The following EDF1 variants were observed in gnomAD, a reference collection of about 807,000 sequenced individuals.
EDF1 encodes endothelial differentiation related factor 1, also known as endothelial differentiation-related factor 1.
A neutral mutation model predicts 20.8 loss-of-function variants in EDF1; 5 were observed. The observed-to-expected ratio is 0.24, with a 90% CI of 0.13 to 0.51. The LOEUF (loss-of-function observed/expected upper bound fraction) is 0.51, where lower values mean the gene tolerates loss of function less well. Among genes scored for constraint, EDF1 ranks in the 20% least tolerant of loss-of-function variants. The pLI, the probability that EDF1 is intolerant of heterozygous loss-of-function variation, is 0.97. For missense variants in EDF1, 137 were observed against 197.8 expected, an observed-to-expected ratio of 0.69 and a Z score of 1.84; for synonymous variants, 96 against 78.5, an observed-to-expected ratio of 1.22 and a Z score of -1.18.
chr9:136,862,359 CAGCCACT>C lies in EDF1; in HGVS notation c.386-21_386-15del. The C allele has an allele frequency of 6.2e-7, 1 of 1,614,042 alleles. No individual in the cohort carries two copies. The highest frequency in any genetic ancestry group is 8.5e-7 in the Non-Finnish European group (1 of 1,180,000). Reference sequence around the variant, plus strand: ...GGAGCTTGAGGCCTGAAATGAGCCACAGCCACTGGCCACTGCAGCACCAGCTCCCTCC... The same window carrying C: ...GGAGCTTGAGGCCTGAAATGAGCCACGGCCACTGCAGCACCAGCTCCCTCC... On this transcript the variant is annotated splice_polypyrimidine_tract_variant and intron_variant, in intron 4 of 4. Coordinates refer to ENST00000224073, the MANE Select transcript of EDF1 (RefSeq NM_003792.4). The surrounding 1 kb of genome is among the most constrained non-coding windows in gnomAD (Gnocchi z 4.1).
chr9:136,863,844 C>T lies in EDF1; in HGVS notation c.106G>A (p.Glu36Lys). Residue 36 changes from glutamate (E) to lysine (K), a missense_variant, in exon 2 of 5, where the codon GAA becomes AAA. Transcript: ENST00000224073. This position sits in a 1 kb window ranked among gnomAD's most constrained non-coding sequence, Gnocchi z 4.5. ...CATTTCTTGGAAGTCTCCACATCTT[C>T]TCCTCGTCTCTGTGCCGCTAAGATA... ...QAILAAQRRG[E>K]DVETSKKWAA... 6.2e-7 allele frequency: 1 copy of T among 1,613,968 alleles called. No homozygotes were observed.
Position 136,862,826 on chromosome 9 carries a change from G to A in EDF1, c.385+80C>T. 6.2e-7 allele frequency: 1 copy of A among 1,611,284 alleles called. No individual in the cohort carries two copies. Among genetic ancestry groups the A allele is most frequent in the Non-Finnish European group, 8.5e-7 (1 of 1,179,820 alleles). On this transcript the variant is annotated intron_variant, in intron 4 of 4. Coordinates refer to ENST00000224073, the MANE Select transcript of EDF1 (RefSeq NM_003792.4). This position sits in a 1 kb window ranked among gnomAD's most constrained non-coding sequence, Gnocchi z 4.1. ...CCCCAGGGCCATCTTCTTCCCCCGA[G>A]TCCCACTCTCACCAACCCCAGCTGG...
chr9:136,862,701 A>G lies in EDF1; in HGVS notation c.385+205T>C, dbSNP rs1849128295. The G allele has an allele frequency of 1.3e-6, 2 of 1,508,070 alleles. No homozygotes were observed. The highest frequency in any genetic ancestry group is 2.1e-5 in the Admixed American group (1 of 46,950). The allele number at this position is 1,508,070 out of a possible 1,614,324, so 93.4% of individuals were successfully genotyped here. ...GGCAAGGGGAAGGGACTCGGACTCC[A>G]CTTGCTCTTAGGGGTTTCCTGAGGC... On this transcript the variant is annotated intron_variant, in intron 4 of 4. Transcript: ENST00000224073. This position sits in a 1 kb window ranked among gnomAD's most constrained non-coding sequence, Gnocchi z 4.1.
chr9:136,863,013 G>A lies in EDF1; in HGVS notation c.292-14C>T. 6.2e-7 allele frequency: 1 copy of A among 1,613,600 alleles called. No individual in the cohort carries two copies. The highest frequency in any genetic ancestry group is 8.5e-7 in the Non-Finnish European group (1 of 1,179,966). ...CTCATTGATTTTCTAAAGAGAAGAT[G>A]TGCTTTATACACATCAGCTCCACTA... On this transcript the variant is annotated splice_polypyrimidine_tract_variant and intron_variant, in intron 3 of 4. Transcript: ENST00000224073. The surrounding 1 kb of genome is among the most constrained non-coding windows in gnomAD (Gnocchi z 4.5).
intron 1 of EDF1, among the ~76,000 whole-genome samples, chr9:136,864,454 A>C (rs1849175207): frequency 6.6e-6 from 1 of 151,920 alleles, no homozygotes; most frequent in South Asian, 2.1e-4. Context: ...TCTACTGCAA[A>C]AGTAGGAAGG....
At position 136,863,597 on chromosome 9, in the gene EDF1, C is replaced by G; in HGVS notation, c.131-149G>C. The G allele has an allele frequency of 8.8e-7, 1 of 1,137,192 alleles. No individual in the cohort carries two copies. Among genetic ancestry groups the G allele is most frequent in the Non-Finnish European group, 1.2e-6 (1 of 814,240 alleles). 70.4% of individuals were successfully genotyped at this position (1,137,192 alleles called of 1,614,324 possible). A position where few individuals can be genotyped will look rare whatever the true frequency, so the allele number is the denominator to read the frequency against. ...TGTCCCAAGTTCACACACCTCAGGT[C>G]GTGGACTTCCAGAGTTTTCTCTCAG... On this transcript the variant is annotated intron_variant, in intron 2 of 4. Coordinates refer to ENST00000224073, the MANE Select transcript of EDF1 (RefSeq NM_003792.4). This position sits in a 1 kb window ranked among gnomAD's most constrained non-coding sequence, Gnocchi z 4.5.
chr9:136,862,604 T>G lies in EDF1; in HGVS notation c.386-259A>C. On this transcript the variant is annotated intron_variant, in intron 4 of 4. Transcript: ENST00000224073. This position sits in a 1 kb window ranked among gnomAD's most constrained non-coding sequence, Gnocchi z 4.1. ...TCTGTGGAACTGGCTTCCGGCCCCA[T>G]GCTGACAGGGCCCGGACCCGCTGTG... The G allele has an allele frequency of 6.5e-7, 1 of 1,540,776 alleles. No homozygotes were observed. The highest frequency in any genetic ancestry group is 2.4e-5 in the East Asian group (1 of 41,786).
intron 1 of EDF1, among the ~76,000 whole-genome samples, chr9:136,864,680 G>A (rs2131249466): frequency 6.6e-6 from 1 of 152,092 alleles, no homozygotes; most frequent in South Asian, 2.1e-4. Flanking sequence ...CTGGAATGCA[G>A]TGACACGATC....
In EDF1 at chr9:136,863,100, G is replaced by T. The variant is rs1266396887; in HGVS notation, c.292-101C>A. ...GAACAGCAGCTTCTAGGGCCCCTGGGGTACGCACCCACACGCAGCTGGGTT... is the reference window on the plus strand; with the variant it reads ...GAACAGCAGCTTCTAGGGCCCCTGGTGTACGCACCCACACGCAGCTGGGTT... On this transcript the variant is annotated intron_variant, in intron 3 of 4. Transcript: ENST00000224073. This position sits in a 1 kb window ranked among gnomAD's most constrained non-coding sequence, Gnocchi z 4.5. The T allele has an allele frequency of 5.8e-6, 9 of 1,547,212 alleles. No homozygotes were observed. Among genetic ancestry groups the T allele is most frequent in the African/African-American group, 2.7e-5 (2 of 73,494 alleles).
In EDF1 at chr9:136,863,669, G is replaced by GA; in HGVS notation, c.130+150dup. The GA allele has an allele frequency of 9.0e-7, 1 of 1,114,018 alleles. No individual in the cohort carries two copies. The highest frequency in any genetic ancestry group is 2.1e-5 in the Admixed American group (1 of 47,044). 69.0% of individuals were successfully genotyped at this position (1,114,018 alleles called of 1,614,324 possible). On this transcript the variant is annotated intron_variant, in intron 2 of 4. Coordinates refer to ENST00000224073, the MANE Select transcript of EDF1 (RefSeq NM_003792.4). This position sits in a 1 kb window ranked among gnomAD's most constrained non-coding sequence, Gnocchi z 4.5. ...CTCATGCCAACCAGAGCTGCTCTGG[G>GA]AAGATGGCTGCCTCCCAGGGCTCCG...
Position 136,863,697 on chromosome 9 carries a change from C to G in EDF1, c.130+123G>C, listed in dbSNP as rs1188485212. On this transcript the variant is annotated intron_variant, in intron 2 of 4. Coordinates refer to ENST00000224073, the MANE Select transcript of EDF1 (RefSeq NM_003792.4). The surrounding 1 kb of genome is among the most constrained non-coding windows in gnomAD (Gnocchi z 4.5). ...GATGGCTGCCTCCCAGGGCTCCGGC[C>G]AGCACCGGTGCAGGCAGGCACTCAG... The G allele has an allele frequency of 3.1e-6, 4 of 1,304,150 alleles. No homozygotes were observed. The highest frequency in any genetic ancestry group is 1.5e-5 in the African/African-American group (1 of 68,214). 80.8% of individuals were successfully genotyped at this position (1,304,150 alleles called of 1,614,324 possible). A position where few individuals can be genotyped will look rare whatever the true frequency, so the allele number is the denominator to read the frequency against.
Position 136,866,252 on chromosome 9 carries a change from C to G in EDF1, c.7G>C (p.Glu3Gln). MA[E>Q]SDWDTVTVLR... ...ACCGTCACCGTGTCCCAGTCGCTCT[C>G]GGCCATGGCGGGCGAAGACGAGCGT... Residue 3 changes from glutamate to glutamine, a missense_variant, in exon 1 of 5, where the codon GAG becomes CAG. Transcript: ENST00000224073. 1 of 1,597,720 alleles carries G rather than the reference C, an allele frequency of 6.3e-7. No individual in the cohort carries two copies. Among genetic ancestry groups the G allele is most frequent in the Non-Finnish European group, 8.5e-7 (1 of 1,174,560 alleles).
chr9:136,864,061 C>A (rs1312719834), intron 1 of EDF1, among the ~76,000 whole-genome samples, 190 bp from the exon 2 acceptor site: 1 of 152,138 alleles, frequency 6.6e-6, no homozygotes, highest in Non-Finnish European at 1.5e-5. Flanking sequence ...AATCCCAGCA[C>A]TTTGGGAAAC....
Position 136,863,457 on chromosome 9 carries a change from G to A in EDF1, c.131-9C>T, listed in dbSNP as rs372504562. ...GTTCTGGCCAGCAGCCCCTGGAGTC[G>A]GTGTGAGGCAAAAGCAGAGGAGAGG... is the stretch of plus-strand genomic sequence containing the variant. On this transcript the variant is annotated splice_polypyrimidine_tract_variant and intron_variant, in intron 2 of 4. Coordinates refer to ENST00000224073, the MANE Select transcript of EDF1 (RefSeq NM_003792.4). The surrounding 1 kb of genome is among the most constrained non-coding windows in gnomAD (Gnocchi z 4.5). 3.4e-5 allele frequency: 54 copies of A among 1,609,118 alleles called. No individual in the cohort carries two copies. The highest frequency in any genetic ancestry group is 4.3e-5 in the Non-Finnish European group (51 of 1,176,454).
rs545894668 is a variant in EDF1 at position 136,862,431 on chromosome 9, A to AG, written c.386-87dup. The AG allele has an allele frequency of 5.7e-4, 912 of 1,613,628 alleles. 11 individuals are homozygous for AG. In the East Asian group the frequency reaches 0.017, roughly 29 times the overall value. ...CCCCTCTTCAACATCTTCCCAGGGA[A>AG]GGGGGGCCACGCCGCTCCCGTGCCT... is the stretch of plus-strand genomic sequence containing the variant. On this transcript the variant is annotated intron_variant, in intron 4 of 4. Coordinates refer to ENST00000224073, the MANE Select transcript of EDF1 (RefSeq NM_003792.4). This position sits in a 1 kb window ranked among gnomAD's most constrained non-coding sequence, Gnocchi z 4.1.
Position 136,863,788 on chromosome 9 carries a change from C to T in EDF1, c.130+32G>A, listed in dbSNP as rs775741396. The T allele has an allele frequency of 2.5e-6, 4 of 1,613,470 alleles. No individual in the cohort carries two copies. Among genetic ancestry groups the T allele is most frequent in the African/African-American group, 1.3e-5 (1 of 74,922 alleles). On this transcript the variant is annotated intron_variant, in intron 2 of 4. Transcript: ENST00000224073. This position sits in a 1 kb window ranked among gnomAD's most constrained non-coding sequence, Gnocchi z 4.5. ...CAGCACATGGACCCCACAGCACAGC[C>T]TCATGTTGCAAGCGGAAACACAAGT...
chr9:136,863,196 G>T lies in EDF1; in HGVS notation c.291+92C>A. On this transcript the variant is annotated intron_variant, in intron 3 of 4. Coordinates refer to ENST00000224073, the MANE Select transcript of EDF1 (RefSeq NM_003792.4). The surrounding 1 kb of genome is among the most constrained non-coding windows in gnomAD (Gnocchi z 4.5). The stretch of plus-strand genomic sequence containing the variant: ...CATTCCCTGCAGGGGAACCAGGGGG[G>T]TGGAGCCCACCCTCCCCGTGCTATC... The T allele has an allele frequency of 6.4e-7, 1 of 1,552,056 alleles. No individual in the cohort carries two copies. Among genetic ancestry groups the T allele is most frequent in the Non-Finnish European group, 8.7e-7 (1 of 1,149,718 alleles).
intron 1 of EDF1, among the ~76,000 whole-genome samples, chr9:136,864,603 T>A (rs142309596): frequency 3.9e-4 from 59 of 151,980 alleles, no homozygotes; most frequent in African/African-American, 1.4e-3. Flanking sequence ...CTACAGTCAC[T>A]GAATATTAAT....
chr9:136,866,128 C>G (rs988735137), intron 1 of EDF1, 53 bp downstream of exon 1: 3 of 1,550,220 alleles, frequency 1.9e-6, no homozygotes, highest in East Asian at 5.2e-5. Flanking sequence ...GTCCGTGGCC[C>G]CGGCCCAGCG....
Sources: allele counts gnomAD v4.1 joint callset (sites outside exome capture counted in the v4.1 genomes callset), GRCh38; gene constraint gnomAD v4.1.1; non-coding constraint Gnocchi (gnomAD v3.1); transcripts MANE v1.5; gene names NCBI Gene and HGNC (gene_info 2026-07-23, HGNC 2026-07-21).